ANKRD55: variants seen among roughly 807,000 people sequenced by gnomAD.
ANKRD55 encodes ankyrin repeat domain 55, also known as ankyrin repeat domain-containing protein 55.
ANKRD55 carries 41 observed loss-of-function variants against 60.6 expected under a neutral mutation model. That is an observed-to-expected ratio of 0.68 (90% CI 0.53 to 0.88). The LOEUF (loss-of-function observed/expected upper bound fraction) is 0.88, where lower values mean the gene tolerates loss of function less well. Among genes scored for constraint, ANKRD55 ranks in the 40% least tolerant of loss-of-function variants. The probability of loss-of-function intolerance (pLI) is 0.00; values close to 1 mark genes in which losing one functional copy is unlikely to be tolerated. For missense variants in ANKRD55, 732 were observed against 767.6 expected (o/e 0.95, Z 0.55); for synonymous variants, 264 against 290.3 (o/e 0.91, Z 0.92).
intron 2 of ANKRD55, among the ~76,000 whole-genome samples, chr5:56,225,127 T>G (rs1481172437): frequency 1.3e-5 from 2 of 152,150 alleles, no homozygotes; most frequent in Non-Finnish European, 1.5e-5. Context: ...TCAAAAAGCT[T>G]ATCCACCATG....
In ANKRD55 at chr5:56,166,199, TTC is replaced by T. The variant is rs60941066; in HGVS notation, c.422+4493_422+4494del. ...CTTCCTTCCTTCCTTCCTTCCTTCC[TTC>T]TCTCTCTCTCTCTCTCTTTCTTTCT... On this transcript the variant is annotated intron_variant, in intron 5 of 11. Transcript: ENST00000341048. 5.1e-3 allele frequency among the ~76,000 whole-genome samples: 490 copies of T among 96,106 alleles called. 23 individuals are homozygous for T. Among genetic ancestry groups the T allele is most frequent in the African/African-American group, 9.6e-3 (165 of 17,194 alleles). 63.0% of individuals were successfully genotyped at this position (96,106 alleles called of 152,430 possible).
Position 56,111,716 on chromosome 5 carries a change from G to C in ANKRD55, c.1032C>G (p.Asn344Lys). Residue 344 changes from asparagine (N) to lysine (K), a missense_variant, in exon 10 of 12, where the codon AAC becomes AAG. Transcript: ENST00000341048. ...SRPQKKERRFNVLNQIFCKNK... is the reference protein window; with the variant it reads ...SRPQKKERRFKVLNQIFCKNK... ...TTTTGCAGAATATTTGGTTGAGCAC[G>C]TTGAACCGTCTCTCCTTCTTCTGGG... 3.3e-6 allele frequency: 5 copies of C among 1,519,468 alleles called. No homozygotes were observed. Among genetic ancestry groups the C allele is most frequent in the Non-Finnish European group, 4.4e-6 (5 of 1,138,606 alleles). 94.1% of individuals were successfully genotyped at this position (1,519,468 alleles called of 1,614,324 possible). A position where few individuals can be genotyped will look rare whatever the true frequency, so the allele number is the denominator to read the frequency against.
At chr5:56,228,215 T>C (rs555477645) in intron 2 of ANKRD55, among the ~76,000 whole-genome samples, 1 of 152,220 alleles carries the variant, frequency 6.6e-6, no homozygotes, top group East Asian at 1.9e-4. Context: ...GAGTTTATCC[T>C]GGATTATCTG....
intron 10 of ANKRD55, among the ~76,000 whole-genome samples, chr5:56,102,937 G>A (rs1321025895): frequency 1.3e-5 from 2 of 152,170 alleles, no homozygotes; most frequent in East Asian, 1.9e-4. Flanking sequence ...GATGAAATGA[G>A]TGGGTGATGA....
At chr5:56,102,083 T>C (rs1434181739) in intron 11 of ANKRD55, among the ~76,000 whole-genome samples, 3 of 152,148 alleles carry the variant, frequency 2.0e-5, no homozygotes, top group African/African-American at 4.8e-5. Context: ...GCACCTGATG[T>C]TCCCTTGAAA....
In ANKRD55 at chr5:56,215,591, G is replaced by T. The variant is rs185199253; in HGVS notation, c.58+17265C>A. Among the ~76,000 whole-genome samples, 142 of 152,344 alleles carry T rather than the reference G, an allele frequency of 9.3e-4. 3 individuals are homozygous for T. The Middle Eastern group carries it at 0.027, about 29-fold the overall frequency. ...TCGTGCTAGGTGTCAGAAAGGGGTT[G>T]ATTGGGTGGACTGTCAGAATCTAGA... is the stretch of plus-strand genomic sequence containing the variant. On this transcript the variant is annotated intron_variant, in intron 2 of 11. Transcript: ENST00000341048.
At chr5:56,205,466 TTA>T (rs1274037734) in intron 2 of ANKRD55, among the ~76,000 whole-genome samples, 1 of 152,234 alleles carries the variant, frequency 6.6e-6, no homozygotes, top group Non-Finnish European at 1.5e-5. Flanking sequence ...ACAGAGGCAA[TTA>T]CCTCACAAGC....
intron 6 of ANKRD55, among the ~76,000 whole-genome samples, chr5:56,144,673 G>T (rs1298229040): frequency 6.6e-6 from 1 of 152,226 alleles, no homozygotes; most frequent in East Asian, 1.9e-4. Flanking sequence ...ATGATCAGAT[G>T]TACACTGTTT....
At position 56,137,518 on chromosome 5, in the gene ANKRD55, T is replaced by C. The variant is rs1027508956; in HGVS notation, c.612+6283A>G. 41 of 776,516 alleles carry C rather than the reference T, an allele frequency of 5.3e-5. No individual in the cohort carries two copies. In the African/African-American group the frequency reaches 5.5e-4, roughly 10 times the overall value. The allele number at this position is 776,516 out of a possible 1,614,324, so 48.1% of individuals were successfully genotyped here. A position where few individuals can be genotyped will look rare whatever the true frequency, so the allele number is the denominator to read the frequency against. On this transcript the variant is annotated intron_variant, in intron 7 of 11. Coordinates refer to ENST00000341048, the MANE Select transcript of ANKRD55 (RefSeq NM_024669.3). ...AAGAAACTGAAGAAACAAAAACTTA[T>C]GGCACGAGAGTAAATTCAGCATTAA... is the stretch of plus-strand genomic sequence containing the variant.
chr5:56,135,360 T>C (rs868597537), intron 7 of ANKRD55, among the ~76,000 whole-genome samples: 56 of 122,628 alleles, frequency 4.6e-4, no homozygotes, highest in African/African-American at 1.6e-3. Flanking sequence ...TCTTTCTTTC[T>C]TTCTTTCCTT....
intron 6 of ANKRD55, 48 bp downstream of exon 6, chr5:56,159,785 C>T: frequency 6.3e-7 from 1 of 1,588,258 alleles, no homozygotes; most frequent in Non-Finnish European, 8.6e-7. Context: ...CCCTTCCTTT[C>T]ACCCTCACAT....
chr5:56,117,664 G>C (rs1756921583), intron 8 of ANKRD55, among the ~76,000 whole-genome samples: 1 of 152,156 alleles, frequency 6.6e-6, no homozygotes, highest in African/African-American at 2.4e-5. Context: ...ATGTTGGCCA[G>C]GCTGGTTCTG....
chr5:56,216,585 C>T (rs1759817378), intron 2 of ANKRD55, among the ~76,000 whole-genome samples: 1 of 152,182 alleles, frequency 6.6e-6, no homozygotes, highest in Non-Finnish European at 1.5e-5. Context: ...AAAAGTGCTA[C>T]TCCAGTGAAC....
intron 2 of ANKRD55, 96 bp downstream of exon 2, chr5:56,232,760 A>G (rs1347971033): frequency 7.9e-7 from 1 of 1,271,030 alleles, no homozygotes; most frequent in East Asian, 2.3e-5. Flanking sequence ...ACACACACAC[A>G]CACACACACT....
intron 2 of ANKRD55, among the ~76,000 whole-genome samples, chr5:56,229,080 C>T (rs1362558618): frequency 1.3e-5 from 2 of 148,720 alleles, no homozygotes; most frequent in South Asian, 2.1e-4. Flanking sequence ...CACCTCCCGC[C>T]GACCCCTCGC....
At chr5:56,117,524 G>T (rs575388318) in intron 8 of ANKRD55, among the ~76,000 whole-genome samples, 1 of 152,034 alleles carries the variant, frequency 6.6e-6, no homozygotes, top group Non-Finnish European at 1.5e-5. Flanking sequence ...TGTGGTCTTG[G>T]CTCACTGCAA....
At chr5:56,121,308 A>C (rs1235806103) in intron 8 of ANKRD55, among the ~76,000 whole-genome samples, 1 of 152,074 alleles carries the variant, frequency 6.6e-6, no homozygotes, top group Non-Finnish European at 1.5e-5. Context: ...GATAAAAATC[A>C]TTATAACTTT....
chr5:56,135,564 T>C (rs565857983), intron 7 of ANKRD55, among the ~76,000 whole-genome samples: 1 of 151,858 alleles, frequency 6.6e-6, no homozygotes, highest in South Asian at 2.1e-4. Context: ...CAGGCAGGTT[T>C]TTGCCATTTT....
chr5:56,186,150 T>A (rs1285425503), intron 2 of ANKRD55, among the ~76,000 whole-genome samples: 1 of 152,018 alleles, frequency 6.6e-6, no homozygotes. Context: ...CTCCAGGCCT[T>A]AGTTTCCTTG....
Sources: gnomAD v4.1 joint callset for allele counts (sites outside exome capture counted in the v4.1 genomes callset) on GRCh38, gnomAD v4.1.1 for gene constraint, MANE v1.5 for transcripts, NCBI Gene and HGNC (gene_info 2026-07-23, HGNC 2026-07-21) for gene names.